The following GNB3 variants were observed in gnomAD, a reference collection of about 807,000 sequenced individuals.
The protein encoded by GNB3 is guanine nucleotide-binding protein G(I)/G(S)/G(T) subunit beta-3.
A neutral mutation model predicts 41.2 loss-of-function variants in GNB3; 33 were observed. That is an observed-to-expected ratio of 0.80 (90% CI 0.61 to 1.07). The LOEUF is 1.07. Ranked by LOEUF, GNB3 falls within the 50% of genes least tolerant of loss-of-function variation. The pLI is 0.00. For synonymous variants in GNB3, 172 were observed against 173.4 expected (o/e 0.99, Z 0.06); for missense variants, 409 against 455.3 (o/e 0.90, Z 0.92).
chr12:6,842,872 C>A (rs1471447564), intron 3 of GNB3, 98 bp from the exon 4 acceptor site: 3 of 749,672 alleles, frequency 4.0e-6, no homozygotes, highest in Non-Finnish European at 6.6e-6. Context: ...TGACCTAGAG[C>A]CTGGCACAGA....
chr12:6,841,276 G>A lies in GNB3; in HGVS notation c.-12G>A, dbSNP rs370718226. ...CTGGCAGGAGCCAGAGTGACCCCTC[G>A]ACCTGTCAGCCATGGGGGAGATGGA... On this transcript the variant is annotated 5_prime_UTR_variant, in exon 2 of 10. Transcript: ENST00000229264. The A allele has an allele frequency of 1.5e-5, 24 of 1,611,654 alleles. No individual in the cohort carries two copies. In the African/African-American group the frequency reaches 1.6e-4, roughly 11 times the overall value.
chr12:6,841,519 C>A, intron 2 of GNB3, 67 bp from the exon 3 acceptor site: 2 of 1,386,234 alleles, frequency 1.4e-6, no homozygotes, highest in Non-Finnish European at 1.0e-6. Flanking sequence ...ACCAACCTGC[C>A]CTGAAGGCCC....
chr12:6,843,988 C>T lies in GNB3; in HGVS notation c.699+10C>T. 1.3e-6 allele frequency: 2 copies of T among 1,586,656 alleles called. No individual in the cohort carries two copies. The highest frequency in any genetic ancestry group is 1.7e-6 in the Non-Finnish European group (2 of 1,161,322). On this transcript the variant is annotated intron_variant, in intron 8 of 9. Coordinates refer to ENST00000229264, the MANE Select transcript of GNB3 (RefSeq NM_002075.4). This position sits in a 1 kb window ranked among gnomAD's most constrained non-coding sequence, Gnocchi z 5.9. ...CATCAACGCCATCTGTGTGAGTGCA[C>T]CCCCCACCCCAGCTTCACTCCAACT...
chr12:6,843,732 G>C lies in GNB3; in HGVS notation c.497+34G>C. The C allele has an allele frequency of 6.2e-7, 1 of 1,612,382 alleles. No individual in the cohort carries two copies. The highest frequency in any genetic ancestry group is 8.5e-7 in the Non-Finnish European group (1 of 1,178,362). Reference sequence around the variant, plus strand: ...GAACATTGCTGGTGCTGGGGCTTGGGAGTGGGCCCGGCCTTTCTCTAACAG... The same window carrying C: ...GAACATTGCTGGTGCTGGGGCTTGGCAGTGGGCCCGGCCTTTCTCTAACAG... On this transcript the variant is annotated intron_variant, in intron 7 of 9. Transcript: ENST00000229264. The surrounding 1 kb of genome is among the most constrained non-coding windows in gnomAD (Gnocchi z 5.9).
At chr12:6,841,557 T>C (rs1591586585) in intron 2 of GNB3, 29 bp from the exon 3 acceptor site, 1 of 1,606,860 alleles carries the variant, frequency 6.2e-7, no homozygotes, top group Non-Finnish European at 8.5e-7. Flanking sequence ...ACCTCGCCCT[T>C]GCTCCCCTGA....
At position 6,843,854 on chromosome 12, in the gene GNB3, T is replaced by C. The variant is rs1555123975; in HGVS notation, c.575T>C (p.Val192Ala). Residue 192 changes from valine to alanine, a missense_variant, in exon 8 of 10, where the codon GTG becomes GCG. Transcript: ENST00000229264. The surrounding 1 kb of genome is among the most constrained non-coding windows in gnomAD (Gnocchi z 5.9). ...ACGGGTGACTGCATGAGCCTGGCTGTGTCTCCTGACTTCAATCTCTTCATT... is the reference window on the plus strand; with the variant it reads ...ACGGGTGACTGCATGAGCCTGGCTGCGTCTCCTGACTTCAATCTCTTCATT... ...GHTGDCMSLAVSPDFNLFISG... is the reference protein window; with the variant it reads ...GHTGDCMSLAASPDFNLFISG... 6.2e-7 allele frequency: 1 copy of C among 1,614,090 alleles called. No individual in the cohort carries two copies. Among genetic ancestry groups the C allele is most frequent in the African/African-American group, 1.3e-5 (1 of 75,042 alleles).
Position 6,841,586 on chromosome 12 carries a change from G to T in GNB3, c.58G>T (p.Asp20Tyr). 1 of 1,613,316 alleles carries T rather than the reference G, an allele frequency of 6.2e-7. No homozygotes were observed. The highest frequency in any genetic ancestry group is 8.5e-7 in the Non-Finnish European group (1 of 1,179,418). ...EAEQLKKQIA[D>Y]ARKACADVTL... ...CCCCTGATGTCTGCTTTCCCTGCAG[G>T]ATGCCAGGAAAGCCTGTGCTGACGT... The change falls in exon 3 of 10, where the codon GAT becomes TAT. Residue 20 changes from aspartate (D) to tyrosine (Y), a missense_variant and splice_region_variant. By Grantham distance (160) the Asp-to-Tyr change is radical (BLOSUM62 -3). Coordinates refer to ENST00000229264, the MANE Select transcript of GNB3 (RefSeq NM_002075.4).
In GNB3 at chr12:6,841,319, C is replaced by A. The variant is rs782550076; in HGVS notation, c.32C>A (p.Ala11Glu). 1.2e-6 allele frequency: 2 copies of A among 1,613,540 alleles called. No individual in the cohort carries two copies. The highest frequency in any genetic ancestry group is 4.5e-5 in the East Asian group (2 of 44,870). MGEMEQLRQE[A>E]EQLKKQIADA... The stretch of plus-strand genomic sequence containing the variant: ...GAGATGGAGCAACTGCGTCAGGAAG[C>A]GGAGCAGCTCAAGAAGCAGATTGCA... The change falls in exon 2 of 10, where the codon GCG becomes GAG. Residue 11 changes from alanine (A) to glutamate (E), a missense_variant. Transcript: ENST00000229264.
At chr12:6,841,407 CA>C (rs1943571216) in intron 2 of GNB3, 63 bp downstream of exon 2, 5 of 1,452,058 alleles carry the variant, frequency 3.4e-6, no homozygotes, top group Middle Eastern at 1.7e-4. Flanking sequence ...GAGCGTGGCC[CA>C]GGGGGAGGGG....
Position 6,841,047 on chromosome 12 carries a change from G to A in GNB3, c.-31+14G>A. On this transcript the variant is annotated intron_variant, in intron 1 of 9. Transcript: ENST00000229264. Reference sequence around the variant, plus strand: ...GCCAGAGCCCAAGTAAGAGGGAGCTGGCCTGGGCTCTGCTCTCCTGGGCTG... The same window carrying A: ...GCCAGAGCCCAAGTAAGAGGGAGCTAGCCTGGGCTCTGCTCTCCTGGGCTG... The A allele has an allele frequency of 1.7e-6, 1 of 575,578 alleles. No individual in the cohort carries two copies. Among genetic ancestry groups the A allele is most frequent in the Non-Finnish European group, 3.1e-6 (1 of 323,988 alleles). 35.7% of individuals were successfully genotyped at this position (575,578 alleles called of 1,614,324 possible).
At chr12:6,841,100 G>C (rs1296825473) in intron 1 of GNB3, 67 bp downstream of exon 1, 2 of 625,734 alleles carry the variant, frequency 3.2e-6, no homozygotes, top group Non-Finnish European at 5.8e-6. Context: ...AGGCAGGCTG[G>C]GGCTGGACGC....
chr12:6,845,570 C>T lies in GNB3; in HGVS notation c.700-16C>T, dbSNP rs372484640. On this transcript the variant is annotated splice_polypyrimidine_tract_variant and intron_variant, in intron 8 of 9. Coordinates refer to ENST00000229264, the MANE Select transcript of GNB3 (RefSeq NM_002075.4). ...CCAGGTCTGATCCCTGACCCACTTGCCACCCGTGCCCTCAGTTCTTCCCCA... is the reference window on the plus strand; with the variant it reads ...CCAGGTCTGATCCCTGACCCACTTGTCACCCGTGCCCTCAGTTCTTCCCCA... 6.3e-7 allele frequency: 1 copy of T among 1,586,124 alleles called. No individual in the cohort carries two copies. Among genetic ancestry groups the T allele is most frequent in the Non-Finnish European group, 8.6e-7 (1 of 1,161,576 alleles).
Position 6,843,940 on chromosome 12 carries a change from A to C in GNB3, c.661A>C (p.Thr221Pro). The change falls in exon 8 of 10, where the codon ACT (threonine) becomes CCT (proline). Residue 221 changes from threonine (T) to proline (P), a missense_variant. Thr to Pro is a conservative substitution (Grantham distance 38). Transcript: ENST00000229264. The surrounding 1 kb of genome is among the most constrained non-coding windows in gnomAD (Gnocchi z 5.9). The part of the protein sequence containing the change: ...WDVREGTCRQ[T>P]FTGHESDINA... Reference sequence around the variant, plus strand: ...TGTGCGAGAGGGGACCTGCCGTCAGACTTTCACTGGCCACGAGTCGGACAT... The same window carrying C: ...TGTGCGAGAGGGGACCTGCCGTCAGCCTTTCACTGGCCACGAGTCGGACAT... 1 of 1,613,756 alleles carries C rather than the reference A, an allele frequency of 6.2e-7. No individual in the cohort carries two copies. Among genetic ancestry groups the C allele is most frequent in the Non-Finnish European group, 8.5e-7 (1 of 1,179,814 alleles).
intron 8 of GNB3, among the ~76,000 whole-genome samples, chr12:6,844,195 G>A (rs1943639117): frequency 7.0e-6 from 1 of 143,848 alleles, no homozygotes; most frequent in African/African-American, 2.6e-5. Context: ...TCTGCCTCCT[G>A]GGTTGGAGCA....
At chr12:6,844,766 G>C (rs1943650414) in intron 8 of GNB3, 1 of 152,180 alleles carries the variant, frequency 6.6e-6, no homozygotes, top group Admixed American at 6.5e-5. Flanking sequence ...TAGAGAAATA[G>C]CCATAGATAC....
chr12:6,844,091 G>GTCTTTTTTTTTTTTTTTTTT lies in GNB3; in HGVS notation c.699+114_699+115insCTTTTTTTTTTTTTTTTTTT, dbSNP rs1432718669. 8 of 253,438 alleles carry GTCTTTTTTTTTTTTTTTTTT rather than the reference G, an allele frequency of 3.2e-5. 3 individuals are homozygous for GTCTTTTTTTTTTTTTTTTTT. The highest frequency in any genetic ancestry group is 2.6e-4 in the African/African-American group (6 of 23,258). The allele number at this position is 253,438 out of a possible 1,614,324, so 15.7% of individuals were successfully genotyped here. ...ATAGCTTCCCTAGCCCTTTCTTACTGTATTTTTTTTTTTTTTTTTTTTTTT... is the reference window on the plus strand; with the variant it reads ...ATAGCTTCCCTAGCCCTTTCTTACTGTCTTTTTTTTTTTTTTTTTTTATTTTTTTTTTTTTTTTTTTTTTT... On this transcript the variant is annotated intron_variant, in intron 8 of 9. Coordinates refer to ENST00000229264, the MANE Select transcript of GNB3 (RefSeq NM_002075.4).
At chr12:6,841,546 C>G in intron 2 of GNB3, 40 bp from the exon 3 acceptor site, 3 of 1,576,646 alleles carry the variant, frequency 1.9e-6, no homozygotes, top group Non-Finnish European at 1.7e-6. Flanking sequence ...CTGCCACCCC[C>G]ACCTCGCCCT....
chr12:6,845,576 G>A lies in GNB3; in HGVS notation c.700-10G>A, dbSNP rs200661714. 2.7e-4 allele frequency: 431 copies of A among 1,596,998 alleles called. 5 individuals carry two copies. In the South Asian group the frequency reaches 3.0e-3, roughly 11 times the overall value. On this transcript the variant is annotated splice_polypyrimidine_tract_variant and intron_variant, in intron 8 of 9. Coordinates refer to ENST00000229264, the MANE Select transcript of GNB3 (RefSeq NM_002075.4). ...CTGATCCCTGACCCACTTGCCACCC[G>A]TGCCCTCAGTTCTTCCCCAATGGAG...
rs376517711 is a variant in GNB3 at position 6,845,744 on chromosome 12, C to T, written c.858C>T (p.Phe286=). 5.0e-5 allele frequency: 81 copies of T among 1,613,996 alleles called. No individual in the cohort carries two copies. The highest frequency in any genetic ancestry group is 6.7e-5 in the Non-Finnish European group (79 of 1,179,992). ...VAFSLSGRLL[F]AGYDDFNCNV... is the part of the protein sequence containing the mutation. ...TCTCCCTCAGTGGCCGCCTACTATT[C>T]GCTGGCTACGACGACTTCAACTGCA... Residue 286 remains phenylalanine, a synonymous_variant, in exon 9 of 10, where the codon TTC becomes TTT. Transcript: ENST00000229264.
Sources: gnomAD v4.1 joint callset for allele counts (sites outside exome capture counted in the v4.1 genomes callset) on GRCh38, gnomAD v4.1.1 for gene constraint, Gnocchi (gnomAD v3.1) non-coding constraint, MANE v1.5 for transcripts, NCBI Gene and HGNC (gene_info 2026-07-23, HGNC 2026-07-21) for gene names.